Variants in MOXD1 observed in about 807,000 individuals in gnomAD.
The protein encoded by MOXD1 is DBH-like monooxygenase protein 1.
A neutral mutation model predicts 66.6 loss-of-function variants in MOXD1; 62 were observed. That is an observed-to-expected ratio of 0.93 (90% CI 0.76 to 1.15). The LOEUF is 1.15. MOXD1 is among the 50% of genes most tolerant of loss of function. The pLI is 0.00. For missense variants in MOXD1, 847 were observed against 754.6 expected, an observed-to-expected ratio of 1.12 and a Z score of -1.44; for synonymous variants, 303 against 281.9, an observed-to-expected ratio of 1.07 and a Z score of -0.75.
chr6:132,396,894 A>T (rs1052848761), intron 1 of MOXD1, among the ~76,000 whole-genome samples: 1 of 152,214 alleles, frequency 6.6e-6, no homozygotes, highest in Non-Finnish European at 1.5e-5. Context: ...GTCTCCCCCA[A>T]CATAGAAAGT....
intron 10 of MOXD1, among the ~76,000 whole-genome samples, chr6:132,303,876 T>TATATAC (rs1774626683): frequency 2.2e-5 from 1 of 45,052 alleles, no homozygotes; most frequent in Non-Finnish European, 3.8e-5. Flanking sequence ...TATATATATA[T>TATATAC]ATACATATAT....
chr6:132,387,023 T>C (rs1214644803), intron 1 of MOXD1, among the ~76,000 whole-genome samples: 1 of 151,190 alleles, frequency 6.6e-6, no homozygotes, highest in Non-Finnish European at 1.5e-5. Flanking sequence ...AGCTGTTTTT[T>C]TTTCCTCAGG....
At chr6:132,392,651 G>C (rs1463836857) in intron 1 of MOXD1, among the ~76,000 whole-genome samples, 1 of 152,156 alleles carries the variant, frequency 6.6e-6, no homozygotes, top group Non-Finnish European at 1.5e-5. Flanking sequence ...ACCTCACCCT[G>C]ACACTTCTGT....
rs1775243708 is a variant in MOXD1 at position 132,328,578 on chromosome 6, T to C, written c.680A>G (p.Gln227Arg). The change falls in exon 5 of 12, where the codon CAG (glutamine) becomes CGG (arginine). Residue 227 changes from glutamine to arginine, a missense_variant. Physicochemically the swap from Gln to Arg is conservative, Grantham distance 43. Coordinates refer to ENST00000367963, the MANE Select transcript of MOXD1 (RefSeq NM_015529.4). ...GTGCACCAGACTCTCATGGCCTCTC[T>C]GTATCACTGGCTCAACCTACACGAA... Reference protein sequence around the residue: ...HHVIKVEPVIQRGHESLVHHI... With the variant: ...HHVIKVEPVIRRGHESLVHHI... The C allele has an allele frequency of 6.2e-7, 1 of 1,613,950 alleles. No individual in the cohort carries two copies. The highest frequency in any genetic ancestry group is 8.5e-7 in the Non-Finnish European group (1 of 1,179,902).
intron 4 of MOXD1, among the ~76,000 whole-genome samples, chr6:132,345,280 T>C (rs758973022): frequency 1.1e-4 from 17 of 152,234 alleles, no homozygotes; most frequent in Non-Finnish European, 1.9e-4. Context: ...TTCAGTGTTA[T>C]AGTGTTTTTG....
chr6:132,336,922 A>C (rs1338619898), intron 4 of MOXD1, among the ~76,000 whole-genome samples: 1 of 152,094 alleles, frequency 6.6e-6, no homozygotes, highest in Non-Finnish European at 1.5e-5. Context: ...TTTTCAAACG[A>C]CGAAAAAGAA....
chr6:132,310,493 T>C (rs1774804301), intron 10 of MOXD1, among the ~76,000 whole-genome samples: 1 of 152,216 alleles, frequency 6.6e-6, no homozygotes, highest in African/African-American at 2.4e-5. Context: ...TATCCCATTC[T>C]TGGTATATAC....
chr6:132,382,093 C>A (rs948020788), intron 1 of MOXD1, among the ~76,000 whole-genome samples: 4 of 151,994 alleles, frequency 2.6e-5, no homozygotes, highest in African/African-American at 7.2e-5. Flanking sequence ...GGCCTGATAT[C>A]ACAGTCATTA....
At chr6:132,392,855 C>CA (rs1188622536) in intron 1 of MOXD1, among the ~76,000 whole-genome samples, 2 of 152,140 alleles carry the variant, frequency 1.3e-5, no homozygotes, top group African/African-American at 4.8e-5. Flanking sequence ...CAGAAGGAGT[C>CA]AAAAAGGTTA....
intron 4 of MOXD1, among the ~76,000 whole-genome samples, chr6:132,364,546 A>G (rs1031659101): frequency 1.2e-4 from 19 of 152,208 alleles, no homozygotes; most frequent in Admixed American, 1.0e-3. Flanking sequence ...AATGAGAAAG[A>G]GAGTTTGAAC....
At chr6:132,313,506 C>T (rs1335856654) in intron 10 of MOXD1, among the ~76,000 whole-genome samples, 1 of 152,096 alleles carries the variant, frequency 6.6e-6, no homozygotes, top group Non-Finnish European at 1.5e-5. Context: ...AATTTATAAT[C>T]CTGTAATATT....
At chr6:132,337,595 C>T (rs1249759434) in intron 4 of MOXD1, among the ~76,000 whole-genome samples, 1 of 152,146 alleles carries the variant, frequency 6.6e-6, no homozygotes, top group Non-Finnish European at 1.5e-5. Flanking sequence ...AAAGAGGTAA[C>T]ATGTTATGAT....
chr6:132,397,636 CAG>C (rs1442102460), intron 1 of MOXD1, among the ~76,000 whole-genome samples: 2 of 122,312 alleles, frequency 1.6e-5, no homozygotes, highest in South Asian at 2.8e-4. Context: ...GAGAGAGAGA[CAG>C]AAAGAAAGAA....
chr6:132,388,914 C>T lies in MOXD1; in HGVS notation c.264+12249G>A, dbSNP rs369143512. Among the ~76,000 whole-genome samples, 7 of 151,288 alleles carry T rather than the reference C, an allele frequency of 4.6e-5. No individual in the cohort carries two copies. The East Asian group carries it at 7.7e-4, about 17-fold the overall frequency. On this transcript the variant is annotated intron_variant, in intron 1 of 11. Transcript: ENST00000367963. ...TGCTTAGAAATACAGCAGCTGGTAC[C>T]GGTTGACAAAAGGTGTGTAGGAATG...
At chr6:132,397,972 A>AG (rs1333783451) in intron 1 of MOXD1, among the ~76,000 whole-genome samples, 3 of 152,226 alleles carry the variant, frequency 2.0e-5, no homozygotes, top group Admixed American at 6.5e-5. Flanking sequence ...TGGTGAAGTC[A>AG]GGGCTTTTAG....
chr6:132,310,050 T>A (rs1320805362), intron 10 of MOXD1, among the ~76,000 whole-genome samples: 1 of 152,082 alleles, frequency 6.6e-6, no homozygotes, highest in Non-Finnish European at 1.5e-5. Context: ...GAAACTATCA[T>A]CAGATCAAAG....
chr6:132,365,018 G>T (rs953786361), intron 4 of MOXD1, among the ~76,000 whole-genome samples: 2 of 152,072 alleles, frequency 1.3e-5, no homozygotes, highest in Non-Finnish European at 2.9e-5. Context: ...CTTTACATTT[G>T]CAGCCTTTCT....
intron 9 of MOXD1, among the ~76,000 whole-genome samples, 170 bp from the exon 10 acceptor site, chr6:132,315,947 T>A (rs1774941082): frequency 6.6e-6 from 1 of 152,150 alleles, no homozygotes; most frequent in African/African-American, 2.4e-5. Flanking sequence ...CAATTAAAAA[T>A]TAATAGAATT....
At chr6:132,351,045 G>T (rs983515604) in intron 4 of MOXD1, among the ~76,000 whole-genome samples, 1 of 152,094 alleles carries the variant, frequency 6.6e-6, no homozygotes, top group Non-Finnish European at 1.5e-5. Flanking sequence ...GCTTTCTGGA[G>T]TCGTCTTTGG....
Sources: gnomAD v4.1 joint callset for allele counts (sites outside exome capture counted in the v4.1 genomes callset) on GRCh38, gnomAD v4.1.1 for gene constraint, MANE v1.5 for transcripts, NCBI Gene and HGNC (gene_info 2026-07-23, HGNC 2026-07-21) for gene names.